Variants in SLC37A1 observed in about 807,000 individuals in gnomAD.
SLC37A1 encodes the protein glucose-6-phosphate exchanger SLC37A1.
A neutral mutation model predicts 75.3 loss-of-function variants in SLC37A1; 49 were observed. The observed-to-expected ratio is 0.65, with a 90% CI of 0.52 to 0.83. The LOEUF is 0.83. SLC37A1 is among the 40% of genes least tolerant of loss of function. The pLI is 0.00. For missense variants in SLC37A1, 566 were observed against 695.0 expected, an observed-to-expected ratio of 0.81 and a Z score of 2.09; for synonymous variants, 268 against 292.1, an observed-to-expected ratio of 0.92 and a Z score of 0.84.
rs143987479 is a variant in SLC37A1 at position 42,580,487 on chromosome 21, A to C, written c.*127A>C. ...CTTTGCCTTTTGCACACGCACCTGGAAAAGACACAGAAGCCAACCTGAGAA... is the reference window on the plus strand; with the variant it reads ...CTTTGCCTTTTGCACACGCACCTGGCAAAGACACAGAAGCCAACCTGAGAA... On this transcript the variant is annotated 3_prime_UTR_variant, in exon 20 of 20. Transcript: ENST00000352133. 301 of 1,039,274 alleles carry C rather than the reference A, an allele frequency of 2.9e-4. 1 individual carries two copies. The African/African-American group carries it at 3.8e-3, about 13-fold the overall frequency. 64.4% of individuals were successfully genotyped at this position (1,039,274 alleles called of 1,614,324 possible).
intron 12 of SLC37A1, 39 bp downstream of exon 12, chr21:42,562,207 T>A: frequency 1.3e-6 from 2 of 1,567,924 alleles, no homozygotes; most frequent in Non-Finnish European, 1.8e-6. Flanking sequence ...TTCCGCACAG[T>A]GACTGGGGTC....
chr21:42,508,742 C>T (rs954926843), intron 2 of SLC37A1: 5 of 152,316 alleles, frequency 3.3e-5, no homozygotes, highest in Admixed American at 1.3e-4. Context: ...TCCCCAAATA[C>T]CCGTGAGCAC....
At chr21:42,565,001 G>A (rs535195846) in intron 14 of SLC37A1, among the ~76,000 whole-genome samples, 1 of 152,392 alleles carries the variant, frequency 6.6e-6, no homozygotes, top group South Asian at 2.1e-4. Flanking sequence ...AGCTGCTGCT[G>A]GTTTAGCATG....
intron 10 of SLC37A1, among the ~76,000 whole-genome samples, 185 bp from the exon 11 acceptor site, chr21:42,558,773 G>A (rs2055752449): frequency 6.6e-6 from 1 of 152,206 alleles, no homozygotes; most frequent in African/African-American, 2.4e-5. Flanking sequence ...AGCCGTTCAT[G>A]AAAATGCATG....
intron 1 of SLC37A1, 82 bp from the exon 2 acceptor site, chr21:42,518,195 G>T (rs2054559385): frequency 4.0e-6 from 2 of 498,700 alleles, no homozygotes; most frequent in Non-Finnish European, 7.4e-6. Context: ...GCTACTGTAC[G>T]TGTGTGGTTA....
rs900656793 is a variant in SLC37A1, at chr21:42,548,743, C to T, written c.768+1603C>T. Among the ~76,000 whole-genome samples the T allele has an allele frequency of 3.9e-5, 6 of 152,204 alleles. No homozygotes were observed. Among genetic ancestry groups the T allele is most frequent in the African/African-American group, 9.7e-5 (4 of 41,450 alleles). On this transcript the variant is annotated intron_variant, in intron 9 of 19. Transcript: ENST00000352133. This position sits in a 1 kb window ranked among gnomAD's most constrained non-coding sequence, Gnocchi z 5.6. ...ACAACACAGTCCAGTGGCTCCATGT[C>T]GCCCCGTGTGAAATCCTCACCAGTC...
chr21:42,566,936 G>A, intron 15 of SLC37A1, 49 bp from the exon 16 acceptor site: 1 of 1,576,110 alleles, frequency 6.3e-7, no homozygotes. Flanking sequence ...ATGCATGCGG[G>A]GCTCTCTGGA....
rs894455163 is a variant in SLC37A1 at position 42,548,100 on chromosome 21, G to A, written c.768+960G>A. 1.3e-5 allele frequency among the ~76,000 whole-genome samples: 2 copies of A among 152,166 alleles called. No homozygotes were observed. Among genetic ancestry groups the A allele is most frequent in the African/African-American group, 2.4e-5 (1 of 41,446 alleles). ...CCGGGCTAACATGTTAGTCACGTCT[G>A]TGCCGAGTGTCAGACCCCAGATGTG... On this transcript the variant is annotated intron_variant, in intron 9 of 19. Transcript: ENST00000352133. This position sits in a 1 kb window ranked among gnomAD's most constrained non-coding sequence, Gnocchi z 5.6.
intron 18 of SLC37A1, 90 bp from the exon 19 acceptor site, chr21:42,579,646 C>G (rs2147081687): frequency 7.2e-7 from 1 of 1,389,832 alleles, no homozygotes; most frequent in African/African-American, 1.4e-5. Flanking sequence ...CCCGCCCAGG[C>G]CTTGCGGGCC....
chr21:42,531,468 A>G (rs1280899575), intron 3 of SLC37A1, among the ~76,000 whole-genome samples: 2 of 152,240 alleles, frequency 1.3e-5, no homozygotes, highest in African/African-American at 4.8e-5. Flanking sequence ...TTGCCTGATC[A>G]GTTTTTAATA....
At chr21:42,534,068 G>T (rs1199629979) in intron 3 of SLC37A1, among the ~76,000 whole-genome samples, 1 of 152,176 alleles carries the variant, frequency 6.6e-6, no homozygotes, top group Non-Finnish European at 1.5e-5. Flanking sequence ...TTAAGGGATG[G>T]ACCCTTTCTG....
chr21:42,516,499 A>G lies in SLC37A1; in HGVS notation c.-178-1778A>G, dbSNP rs563276975. Among the ~76,000 whole-genome samples, 9 of 152,326 alleles carry G rather than the reference A, an allele frequency of 5.9e-5. No homozygotes were observed. The East Asian group carries it at 1.7e-3, about 29-fold the overall frequency. ...ATGAAGTGGTCTTTAGTGGTGCTGCACAGGCTAGGGAGGAAGGGCCTCATT... is the reference window on the plus strand; with the variant it reads ...ATGAAGTGGTCTTTAGTGGTGCTGCGCAGGCTAGGGAGGAAGGGCCTCATT... On this transcript the variant is annotated intron_variant, in intron 1 of 19. Coordinates refer to ENST00000352133, the MANE Select transcript of SLC37A1 (RefSeq NM_001320537.2).
chr21:42,510,693 C>T (rs2054424692), upstream of SLC37A1, among the ~76,000 whole-genome samples: 2 of 151,852 alleles, frequency 1.3e-5, no homozygotes, highest in South Asian at 4.2e-4. Flanking sequence ...CAAATGGTTA[C>T]CAAATAGAGA....
At chr21:42,579,203 C>T (rs552058177) in intron 18 of SLC37A1, among the ~76,000 whole-genome samples, 1 of 152,310 alleles carries the variant, frequency 6.6e-6, no homozygotes, top group East Asian at 1.9e-4. Flanking sequence ...CCCTGGGCCC[C>T]GGCCAGGCCT....
At chr21:42,559,185 T>G (rs1369724026) in intron 11 of SLC37A1, 96 bp downstream of exon 11, 2 of 1,468,512 alleles carry the variant, frequency 1.4e-6, no homozygotes, top group Non-Finnish European at 1.8e-6. Context: ...AAGACATCTG[T>G]GGTTGTAGAA....
chr21:42,512,488 C>T (rs113068791), upstream of SLC37A1, among the ~76,000 whole-genome samples: 1,406 of 152,324 alleles, frequency 9.2e-3, 16 homozygotes, highest in African/African-American at 0.016. Context: ...TCGAGCCGAA[C>T]CAATGGCAAG....
intron 13 of SLC37A1, 48 bp downstream of exon 13, chr21:42,563,925 G>T (rs374664609): frequency 2.5e-6 from 4 of 1,599,490 alleles, no homozygotes; most frequent in Non-Finnish European, 2.6e-6. Context: ...TTCGCAAGGC[G>T]CATGATCTCT....
At chr21:42,565,147 A>C (rs967670104) in intron 14 of SLC37A1, among the ~76,000 whole-genome samples, 2 of 152,248 alleles carry the variant, frequency 1.3e-5, no homozygotes, top group Admixed American at 6.5e-5. Flanking sequence ...CATGGTGCAT[A>C]GTGCTTTTCA....
rs1003623463 is a variant in SLC37A1, at chr21:42,581,016, G to A, written c.*656G>A. Reference sequence around the variant, plus strand: ...GGTGAGGAGGCAGGAAGCACCTCCGGTTGGAGGCACCCAGGCTTGCCAGCC... The same window carrying A: ...GGTGAGGAGGCAGGAAGCACCTCCGATTGGAGGCACCCAGGCTTGCCAGCC... On this transcript the variant is annotated 3_prime_UTR_variant, in exon 20 of 20. Coordinates refer to ENST00000352133, the MANE Select transcript of SLC37A1 (RefSeq NM_001320537.2). The A allele has an allele frequency of 1.3e-5, 2 of 152,680 alleles. No homozygotes were observed. Among genetic ancestry groups the A allele is most frequent in the Non-Finnish European group, 2.9e-5 (2 of 68,394 alleles). 9.5% of individuals were successfully genotyped at this position (152,680 alleles called of 1,614,324 possible). A position where few individuals can be genotyped will look rare whatever the true frequency, so the allele number is the denominator to read the frequency against.
Sources: allele counts gnomAD v4.1 joint callset (sites outside exome capture counted in the v4.1 genomes callset), GRCh38; gene constraint gnomAD v4.1.1; non-coding constraint Gnocchi (gnomAD v3.1); transcripts MANE v1.5; gene names NCBI Gene and HGNC (gene_info 2026-07-23, HGNC 2026-07-21).